Variants in CCNT1 observed in about 807,000 individuals in gnomAD.
The protein encoded by CCNT1 is cyclin-T1.
CCNT1 carries 18 observed loss-of-function variants against 67.3 expected under a neutral mutation model. The observed-to-expected ratio is 0.27, with a 90% CI of 0.18 to 0.40. The LOEUF (loss-of-function observed/expected upper bound fraction) is 0.40. Among genes scored for constraint, CCNT1 ranks in the 10% least tolerant of loss-of-function variants. The pLI, the probability that CCNT1 is intolerant of heterozygous loss-of-function variation, is 1.00. For synonymous variants in CCNT1, 333 were observed against 310.3 expected (o/e 1.07, Z -0.77); for missense variants, 744 against 884.9 (o/e 0.84, Z 2.02).
intron 2 of CCNT1, among the ~76,000 whole-genome samples, chr12:48,713,129 C>G (rs1334317298): frequency 6.6e-6 from 1 of 151,682 alleles, no homozygotes; most frequent in Non-Finnish European, 1.5e-5. Context: ...ATTTATAATT[C>G]TGTACAAAAA....
intron 3 of CCNT1, among the ~76,000 whole-genome samples, chr12:48,704,018 T>C (rs1175458248): frequency 1.3e-5 from 2 of 152,082 alleles, no homozygotes; most frequent in African/African-American, 2.4e-5. Flanking sequence ...TTGTTAAAAA[T>C]ACATACATTC....
chr12:48,689,734 G>A lies in CCNT1; in HGVS notation c.*3299C>T, dbSNP rs1192455209. 1.3e-5 allele frequency: 2 copies of A among 152,142 alleles called. No individual in the cohort carries two copies. Among genetic ancestry groups the A allele is most frequent in the African/African-American group, 4.8e-5 (2 of 41,424 alleles). The allele number at this position is 152,142 out of a possible 1,614,324, so 9.4% of individuals were successfully genotyped here. A position where few individuals can be genotyped will look rare whatever the true frequency, so the allele number is the denominator to read the frequency against. On this transcript the variant is annotated 3_prime_UTR_variant, in exon 9 of 9. Transcript: ENST00000261900. ...GATATGTTTAAAATCCAACCATACT[G>A]GGATAGACAGGGCCCCTCTACAATT...
In CCNT1 at chr12:48,695,980, C is replaced by A; in HGVS notation, c.706+19G>T. The A allele has an allele frequency of 6.2e-7, 1 of 1,613,394 alleles. No individual in the cohort carries two copies. Among genetic ancestry groups the A allele is most frequent in the Non-Finnish European group, 8.5e-7 (1 of 1,179,518 alleles). On this transcript the variant is annotated intron_variant, in intron 7 of 8. Transcript: ENST00000261900. ...ATCAACAGCAAGTGCTTTTCAAGGT[C>A]CCTTACTCTAAAACTTACCATCTAA...
intron 8 of CCNT1, among the ~76,000 whole-genome samples, chr12:48,694,639 A>C (rs1940141083): frequency 6.6e-6 from 1 of 152,220 alleles, no homozygotes; most frequent in African/African-American, 2.4e-5. Context: ...AATCTATCCA[A>C]ACGTTACAAA....
At chr12:48,701,274 G>C (rs1219157869) in intron 3 of CCNT1, among the ~76,000 whole-genome samples, 1 of 141,228 alleles carries the variant, frequency 7.1e-6, no homozygotes, top group Admixed American at 7.3e-5. Context: ...CACCCAGGCT[G>C]GAGTGCAGTG....
At chr12:48,713,038 T>C (rs528221865) in intron 2 of CCNT1, among the ~76,000 whole-genome samples, 1 of 152,326 alleles carries the variant, frequency 6.6e-6, no homozygotes, top group African/African-American at 2.4e-5. Context: ...AGAACTGGGA[T>C]ATCACTATGC....
At chr12:48,704,503 T>C (rs1246047462) in intron 3 of CCNT1, among the ~76,000 whole-genome samples, 1 of 152,116 alleles carries the variant, frequency 6.6e-6, no homozygotes, top group African/African-American at 2.4e-5. Flanking sequence ...TGGGACCATC[T>C]AGTTGCAGGA....
intron 2 of CCNT1, 86 bp from the exon 3 acceptor site, chr12:48,705,982 AT>A: frequency 1.5e-6 from 2 of 1,324,388 alleles, no homozygotes; most frequent in East Asian, 5.2e-5. Flanking sequence ...TAAGTCTCAA[AT>A]CAAGTTATTT....
At chr12:48,696,857 GTCTC>G (rs1031690742) in intron 6 of CCNT1, among the ~76,000 whole-genome samples, 11 of 152,202 alleles carry the variant, frequency 7.2e-5, no homozygotes, top group African/African-American at 2.2e-4. Context: ...TTTAGACAGA[GTCTC>G]TCTCTCTGTC....
intron 3 of CCNT1, 23 bp downstream of exon 3, chr12:48,705,745 C>G (rs778193076): frequency 6.3e-6 from 10 of 1,583,812 alleles, no homozygotes; most frequent in Non-Finnish European, 7.7e-6. Flanking sequence ...TTAAGAAAAA[C>G]AGATGTGTAA....
chr12:48,706,055 C>G (rs1242537322), intron 2 of CCNT1, among the ~76,000 whole-genome samples, 159 bp from the exon 3 acceptor site: 7 of 152,054 alleles, frequency 4.6e-5, no homozygotes, highest in African/African-American at 1.4e-4. Context: ...CCATCTTCCC[C>G]TCTCCTACCC....
chr12:48,706,790 T>C (rs1016079960), intron 2 of CCNT1, among the ~76,000 whole-genome samples: 3 of 152,360 alleles, frequency 2.0e-5, no homozygotes, highest in Admixed American at 6.5e-5. Flanking sequence ...GATATTCTAA[T>C]ACTTATTTGT....
intron 5 of CCNT1, 35 bp from the exon 6 acceptor site, chr12:48,698,218 G>C (rs753650143): frequency 6.3e-6 from 9 of 1,425,030 alleles, no homozygotes; most frequent in Non-Finnish European, 7.7e-6. Context: ...GGGTGGGGGA[G>C]GAAAAAAGTT....
At chr12:48,712,437 G>A (rs1940466430) in intron 2 of CCNT1, among the ~76,000 whole-genome samples, 1 of 151,212 alleles carries the variant, frequency 6.6e-6, no homozygotes, top group South Asian at 2.1e-4. Flanking sequence ...CTCCACGCCT[G>A]GCTAATTTTT....
chr12:48,696,974 A>G (rs1351295016), intron 6 of CCNT1, among the ~76,000 whole-genome samples: 1 of 152,058 alleles, frequency 6.6e-6, no homozygotes, highest in African/African-American at 2.4e-5. Context: ...CTGGTACTAC[A>G]TGCATGTGCC....
intron 2 of CCNT1, among the ~76,000 whole-genome samples, chr12:48,711,724 C>T (rs1235599269): frequency 6.6e-6 from 1 of 152,186 alleles, no homozygotes; most frequent in Non-Finnish European, 1.5e-5. Context: ...AGCAAAGCTC[C>T]AGGGCATGAC....
intron 1 of CCNT1, 39 bp downstream of exon 1, chr12:48,716,476 G>A: frequency 6.4e-7 from 1 of 1,558,490 alleles, no homozygotes; most frequent in Non-Finnish European, 8.7e-7. Context: ...AGCATGGCGG[G>A]ACCAACTCCA....
chr12:48,714,824 G>T lies in CCNT1; in HGVS notation c.162-300C>A, dbSNP rs564767647. On this transcript the variant is annotated intron_variant, in intron 1 of 8. Transcript: ENST00000261900. ...GATTTTTTTAAAAACTATATAAGGC[G>T]GCCAGGCGCGGTGGCTCACACTCTG... Among the ~76,000 whole-genome samples, 3 of 152,130 alleles carry T rather than the reference G, an allele frequency of 2.0e-5. No homozygotes were observed. In the South Asian group the frequency reaches 6.2e-4, roughly 32 times the overall value.
In CCNT1 at chr12:48,694,026, A is replaced by G. The variant is rs560484374; in HGVS notation, c.1188T>C (p.His396=). ...KVSLKEYRAK[H]AEELAAQKRQ... ...TCTTCTGGGCAGCCAATTCTTCTGC[A>G]TGCTTCGCGCGGTATTCTTTCAGTG... The change falls in exon 9 of 9, where the codon CAT becomes CAC. Residue 396 remains histidine (H), a synonymous_variant. Transcript: ENST00000261900. 10 of 1,614,176 alleles carry G rather than the reference A, an allele frequency of 6.2e-6. No homozygotes were observed. The African/African-American group carries it at 1.3e-4, about 22-fold the overall frequency.
Sources: gnomAD v4.1 joint callset for allele counts (sites outside exome capture counted in the v4.1 genomes callset) on GRCh38, gnomAD v4.1.1 for gene constraint, MANE v1.5 for transcripts, NCBI Gene and HGNC (gene_info 2026-07-23, HGNC 2026-07-21) for gene names.